SHROOM3: variants seen among roughly 807,000 people sequenced by gnomAD.
SHROOM3 encodes protein Shroom3.
A neutral mutation model predicts 138.6 loss-of-function variants in SHROOM3; 47 were observed. The observed-to-expected ratio is 0.34, with a 90% CI of 0.27 to 0.43. The LOEUF (loss-of-function observed/expected upper bound fraction) is 0.43, where lower values mean the gene tolerates loss of function less well. SHROOM3 is among the 20% of genes least tolerant of loss of function. The pLI, the probability that SHROOM3 is intolerant of heterozygous loss-of-function variation, is 1.00. For synonymous variants in SHROOM3, 1,062 were observed against 1,063.3 expected (o/e 1.00, Z 0.02); for missense variants, 2,491 against 2,596.5 (o/e 0.96, Z 0.88).
chr4:76,720,254 G>A (rs1312221794), intron 3 of SHROOM3, among the ~76,000 whole-genome samples: 1 of 148,916 alleles, frequency 6.7e-6, no homozygotes, highest in African/African-American at 2.5e-5. Flanking sequence ...TTGGCCGGGT[G>A]CAGTGGTTCA....
At chr4:76,633,593 C>T (rs1174641171) in intron 2 of SHROOM3, among the ~76,000 whole-genome samples, 2 of 141,160 alleles carry the variant, frequency 1.4e-5, no homozygotes, top group African/African-American at 2.6e-5. Flanking sequence ...GGAGGCGGAG[C>T]TTGCAGTGAG....
At chr4:76,659,600 G>C (rs868772102) in intron 2 of SHROOM3, among the ~76,000 whole-genome samples, 2 of 152,192 alleles carry the variant, frequency 1.3e-5, no homozygotes, top group African/African-American at 4.8e-5. Flanking sequence ...ATTTATTTAT[G>C]AGCTAGAGTC....
intron 4 of SHROOM3, 128 bp from the exon 5 acceptor site, chr4:76,738,633 C>T: frequency 5.5e-6 from 6 of 1,096,322 alleles, no homozygotes; most frequent in Non-Finnish European, 8.2e-6. Flanking sequence ...CAAATATGGC[C>T]CTTTTTACCC....
At chr4:76,722,905 G>A (rs895858072) in intron 3 of SHROOM3, among the ~76,000 whole-genome samples, 1 of 151,780 alleles carries the variant, frequency 6.6e-6, no homozygotes, top group African/African-American at 2.4e-5. Flanking sequence ...GGTTAGTAAG[G>A]GGTTTAAGAA....
chr4:76,694,671 C>T (rs1411077614), intron 2 of SHROOM3, among the ~76,000 whole-genome samples: 2 of 152,096 alleles, frequency 1.3e-5, no homozygotes, highest in Non-Finnish European at 2.9e-5. Context: ...GATAATGATA[C>T]CTTAAGAGAG....
At chr4:76,496,438 C>T (rs1731970494) in intron 1 of SHROOM3, among the ~76,000 whole-genome samples, 1 of 152,194 alleles carries the variant, frequency 6.6e-6, no homozygotes, top group African/African-American at 2.4e-5. Flanking sequence ...TGGAATTTCC[C>T]AAGGAGACCC....
chr4:76,449,216 A>C (rs965458938), intron 1 of SHROOM3, among the ~76,000 whole-genome samples: 1 of 151,842 alleles, frequency 6.6e-6, no homozygotes, highest in Non-Finnish European at 1.5e-5. Flanking sequence ...CTTGAACAGA[A>C]TAGATAGAGA....
chr4:76,660,414 GTCA>G (rs1284418471), intron 2 of SHROOM3, among the ~76,000 whole-genome samples: 19 of 152,124 alleles, frequency 1.2e-4, no homozygotes, highest in African/African-American at 4.3e-4. Flanking sequence ...CTAGGAGAGA[GTCA>G]TCAACACCTC....
intron 1 of SHROOM3, among the ~76,000 whole-genome samples, chr4:76,536,012 G>T (rs916131747): frequency 6.6e-6 from 1 of 152,200 alleles, no homozygotes; most frequent in African/African-American, 2.4e-5. Flanking sequence ...CAGACCCAGC[G>T]CTTTCTCAGG....
chr4:76,699,751 G>A (rs1330211856), intron 2 of SHROOM3, among the ~76,000 whole-genome samples: 1 of 152,124 alleles, frequency 6.6e-6, no homozygotes. Flanking sequence ...TTCTGGAGAT[G>A]ATTAATGGTA....
intron 1 of SHROOM3, among the ~76,000 whole-genome samples, chr4:76,463,657 A>G (rs949563622): frequency 6.6e-6 from 1 of 152,148 alleles, no homozygotes; most frequent in Non-Finnish European, 1.5e-5. Context: ...GAAGGAGAAA[A>G]TGGTTTCATG....
chr4:76,482,988 C>G (rs1731650064), intron 1 of SHROOM3, among the ~76,000 whole-genome samples: 1 of 152,126 alleles, frequency 6.6e-6, no homozygotes, highest in African/African-American at 2.4e-5. Context: ...ACACCTTATA[C>G]AAAAATTAAC....
chr4:76,689,586 G>A (rs944472155), intron 2 of SHROOM3: 1 of 984,910 alleles, frequency 1.0e-6, no homozygotes, highest in Non-Finnish European at 1.2e-6. Flanking sequence ...TGAGCGCGTT[G>A]GGCCCCGCCG....
rs774510287 is a variant in SHROOM3, at chr4:76,740,889, G to A, written c.2716G>A (p.Asp906Asn). 17 of 1,525,638 alleles carry A rather than the reference G, an allele frequency of 1.1e-5. No individual in the cohort carries two copies. The highest frequency in any genetic ancestry group is 2.1e-5 in the Admixed American group (1 of 47,554). The allele number at this position is 1,525,638 out of a possible 1,614,324, so 94.5% of individuals were successfully genotyped here. A position where few individuals can be genotyped will look rare whatever the true frequency, so the allele number is the denominator to read the frequency against. The change falls in exon 5 of 11, where the codon GAC becomes AAC. Residue 906 changes from aspartate to asparagine, a missense_variant. Physicochemically the swap from Asp to Asn is conservative, Grantham distance 23. Around this residue, in one of 4 missense-constraint regions of SHROOM3, gnomAD observed 1,733 missense variants for 1,661.6 expected, o/e 1.04. Coordinates refer to ENST00000296043, the MANE Select transcript of SHROOM3 (RefSeq NM_020859.4). The surrounding 1 kb of genome is among the most constrained non-coding windows in gnomAD (Gnocchi z 4.0). Reference sequence around the variant, plus strand: ...GCCAGAGAGGGAGCCCGAGTGGCGGGACAGGCCCGGCTCGCCCGAATCGCC... The same window carrying A: ...GCCAGAGAGGGAGCCCGAGTGGCGGAACAGGCCCGGCTCGCCCGAATCGCC... ...SEPEREPEWR[D>N]RPGSPESPLL...
chr4:76,491,669 A>G (rs1456189169), intron 1 of SHROOM3, among the ~76,000 whole-genome samples: 1 of 152,208 alleles, frequency 6.6e-6, no homozygotes. Flanking sequence ...AAGCTGACTC[A>G]GAGCCCTGAC....
chr4:76,461,123 A>T (rs964580515), intron 1 of SHROOM3, among the ~76,000 whole-genome samples: 1 of 152,178 alleles, frequency 6.6e-6, no homozygotes, highest in African/African-American at 2.4e-5. Context: ...CTAAAAAGTC[A>T]CATCTGAGAC....
Position 76,730,805 on chromosome 4 carries a change from C to T in SHROOM3, c.457C>T (p.Arg153Cys), listed in dbSNP as rs148172770. ...GGGGTCCCTCCTGTGTCTCCCCAGG[C>T]GCAGTGAGCCTGCAGGCCGACCTCA... Reference protein sequence around the residue: ...GGVKLRLKHRRSEPAGRPHSW... With the variant: ...GGVKLRLKHRCSEPAGRPHSW... The change falls in exon 4 of 11, where the codon CGC becomes TGC. Residue 153 changes from arginine to cysteine, a missense_variant and splice_region_variant. By Grantham distance (180) the Arg-to-Cys change is radical. This residue lies in a region of SHROOM3 where 284 missense variants were observed against 322.8 expected (regional missense o/e 0.88). Transcript: ENST00000296043. 166 of 1,613,898 alleles carry T rather than the reference C, an allele frequency of 1.0e-4. No homozygotes were observed. In the African/African-American group the frequency reaches 1.2e-3, roughly 12 times the overall value.
intron 1 of SHROOM3, among the ~76,000 whole-genome samples, chr4:76,476,872 T>C (rs1731494564): frequency 6.6e-6 from 1 of 152,202 alleles, no homozygotes; most frequent in African/African-American, 2.4e-5. Context: ...ATGATTTCTC[T>C]AAGGCTGGAG....
intron 2 of SHROOM3, among the ~76,000 whole-genome samples, chr4:76,640,015 T>A (rs185942193): frequency 6.6e-6 from 1 of 152,242 alleles, no homozygotes; most frequent in East Asian, 1.9e-4. Context: ...TATTTTCCTT[T>A]CTGAATGGTG....
Sources: allele counts gnomAD v4.1 joint callset (sites outside exome capture counted in the v4.1 genomes callset), GRCh38; gene constraint gnomAD v4.1.1; regional missense constraint gnomAD v4.1.1; non-coding constraint Gnocchi (gnomAD v3.1); transcripts MANE v1.5; gene names NCBI Gene and HGNC (gene_info 2026-07-23, HGNC 2026-07-21).